RBFOX1: variants seen among roughly 807,000 people sequenced by gnomAD.
RBFOX1 encodes RNA binding protein fox-1 homolog 1.
Under a neutral mutation model 57.7 loss-of-function variants are expected in RBFOX1, and 8 were observed. The ratio of observed to expected loss-of-function variants is 0.14; its 90% CI spans 0.08 to 0.25. The LOEUF (loss-of-function observed/expected upper bound fraction) is 0.25. Among genes scored for constraint, RBFOX1 ranks in the 10% least tolerant of loss-of-function variants. The probability of loss-of-function intolerance (pLI) is 1.00; values close to 1 mark genes in which losing one functional copy is unlikely to be tolerated. For synonymous variants in RBFOX1, 326 were observed against 222.4 expected (o/e 1.47, Z -4.15); for missense variants, 611 against 548.5 (o/e 1.11, Z -1.14).
chr16:7,149,640 C>T (rs868630785), intron 4 of RBFOX1, among the ~76,000 whole-genome samples: 32 of 151,880 alleles, frequency 2.1e-4, no homozygotes, highest in Admixed American at 9.2e-4. Context: ...TGCACACCAC[C>T]GTGCCCAGCT....
intron 3 of RBFOX1, among the ~76,000 whole-genome samples, chr16:6,934,006 G>A (rs1049606391): frequency 1.3e-5 from 2 of 152,182 alleles, no homozygotes; most frequent in African/African-American, 4.8e-5. Context: ...ACCAGCCAGG[G>A]GTCAGGGAGG....
At chr16:7,542,004 G>C (rs1374823460) in intron 5 of RBFOX1, among the ~76,000 whole-genome samples, 2 of 152,194 alleles carry the variant, frequency 1.3e-5, no homozygotes, top group South Asian at 2.1e-4. Context: ...CGGCAGCTGA[G>C]GTTTTCCTTC....
intron 1 of RBFOX1, among the ~76,000 whole-genome samples, chr16:6,036,846 A>G (rs191878508): frequency 1.2e-4 from 18 of 152,352 alleles, no homozygotes; most frequent in Non-Finnish European, 2.1e-4. Flanking sequence ...CACATTCTCA[A>G]AGTGCTATAT....
chr16:7,150,180 C>A (rs183298815), intron 4 of RBFOX1, among the ~76,000 whole-genome samples: 6 of 152,276 alleles, frequency 3.9e-5, no homozygotes, highest in Non-Finnish European at 7.3e-5. Context: ...CTAGAACATG[C>A]ACATCCGAAG....
chr16:5,259,507 G>C (rs1400826239), intron 1 of RBFOX1, among the ~76,000 whole-genome samples: 1 of 152,162 alleles, frequency 6.6e-6, no homozygotes, highest in Non-Finnish European at 1.5e-5. Context: ...TCTTCCCCTG[G>C]ATTGTAAACT....
At chr16:7,159,693 C>G (rs891222794) in intron 4 of RBFOX1, among the ~76,000 whole-genome samples, 10 of 152,078 alleles carry the variant, frequency 6.6e-5, no homozygotes, top group African/African-American at 1.7e-4. Context: ...TTGGATCTGC[C>G]AAGTACAAAT....
At chr16:7,169,937 GTGACACA>G (rs1309462274) in intron 4 of RBFOX1, among the ~76,000 whole-genome samples, 6 of 152,080 alleles carry the variant, frequency 3.9e-5, no homozygotes, top group African/African-American at 1.4e-4. Flanking sequence ...GCTGGGCATG[GTGACACA>G]CGCCTGTGGT....
At chr16:7,026,299 C>T (rs2040909503) in intron 3 of RBFOX1, among the ~76,000 whole-genome samples, 1 of 152,118 alleles carries the variant, frequency 6.6e-6, no homozygotes, top group East Asian at 1.9e-4. Flanking sequence ...GCCACCAGGC[C>T]ATGTTTAATG....
At position 5,650,326 on chromosome 16, in the gene RBFOX1, C is replaced by CGGT. The variant is rs532668887; in HGVS notation, c.318+51388_318+51390dup. On this transcript the variant is annotated intron_variant, in intron 3 of 19. Transcript: ENST00000641259. ...TCGTCCTCTTCAGAGGCAGCCACGG[C>CGGT]GGTGGTGGTGGTGGTGGTGGTGGTG... 8.6e-3 allele frequency among the ~76,000 whole-genome samples: 1,224 copies of CGGT among 141,740 alleles called. 10 individuals carry two copies. The highest frequency in any genetic ancestry group is 0.014 in the Non-Finnish European group (923 of 64,490). 93.0% of individuals were successfully genotyped at this position (141,740 alleles called of 152,430 possible).
In RBFOX1 at chr16:7,653,799, T is replaced by TCTCC; in HGVS notation, c.758-15_758-14insTCCC. 1 of 1,607,580 alleles carries TCTCC rather than the reference T, an allele frequency of 6.2e-7. No homozygotes were observed. The highest frequency in any genetic ancestry group is 1.3e-5 in the African/African-American group (1 of 74,906). ...ACAGCCTGTGCTCTCTCTCTCTCTC[T>TCTCC]CCTCTTGCCCCGCAGTGCCAGGCTT... On this transcript the variant is annotated splice_polypyrimidine_tract_variant and intron_variant, in intron 11 of 15. Coordinates refer to ENST00000550418, the MANE Select transcript of RBFOX1 (RefSeq NM_018723.4).
At chr16:7,226,683 A>C (rs2093143807) in intron 4 of RBFOX1, among the ~76,000 whole-genome samples, 1 of 152,176 alleles carries the variant, frequency 6.6e-6, no homozygotes, top group Admixed American at 6.5e-5. Context: ...AATTTCTAAA[A>C]CCGCAAAAAG....
At chr16:6,020,063 G>T (rs922097670) in intron 1 of RBFOX1, 71 bp downstream of exon 1, 1 of 1,358,108 alleles carries the variant, frequency 7.4e-7, no homozygotes, top group East Asian at 2.9e-5. Flanking sequence ...AGGTCTCATG[G>T]AGGGAAGCGC....
At chr16:6,653,746 A>ATG (rs2098620510) in intron 2 of RBFOX1, among the ~76,000 whole-genome samples, 1 of 151,604 alleles carries the variant, frequency 6.6e-6, no homozygotes, top group East Asian at 2.0e-4. Flanking sequence ...AGATGGATGG[A>ATG]TGGGTGGGTA....
chr16:7,075,837 C>G (rs1340408457), intron 4 of RBFOX1, among the ~76,000 whole-genome samples: 1 of 152,030 alleles, frequency 6.6e-6, no homozygotes, highest in Non-Finnish European at 1.5e-5. Flanking sequence ...GCCTCAGCTT[C>G]CCAAAGTGCT....
At chr16:7,707,990 G>A (rs969200192) in intron 14 of RBFOX1, among the ~76,000 whole-genome samples, 2 of 152,078 alleles carry the variant, frequency 1.3e-5, no homozygotes, top group African/African-American at 4.8e-5. Flanking sequence ...TATCTGGCAG[G>A]GCAAACAAGT....
downstream of RBFOX1, among the ~76,000 whole-genome samples, chr16:5,600,471 A>G (rs1405872289): frequency 7.4e-6 from 1 of 135,892 alleles, no homozygotes; most frequent in Admixed American, 7.6e-5. Context: ...GGGCAAACAG[A>G]GTAAGAGCCT....
chr16:6,987,992 A>G (rs2090664243), intron 3 of RBFOX1, among the ~76,000 whole-genome samples: 1 of 152,154 alleles, frequency 6.6e-6, no homozygotes, highest in African/African-American at 2.4e-5. Context: ...AATCTTATAT[A>G]GTCGTCATCA....
At chr16:6,631,410 T>A (rs184199958) in intron 2 of RBFOX1, among the ~76,000 whole-genome samples, 1 of 140,582 alleles carries the variant, frequency 7.1e-6, no homozygotes, top group Admixed American at 6.9e-5. Flanking sequence ...TGAAACATAT[T>A]TTTTTTTTTG....
intron 2 of RBFOX1, among the ~76,000 whole-genome samples, chr16:6,325,733 G>A (rs555266858): frequency 6.6e-6 from 1 of 152,278 alleles, no homozygotes; most frequent in African/African-American, 2.4e-5. Context: ...CCAAATTCAG[G>A]AGGCTAGAAT....
Sources: allele counts gnomAD v4.1 joint callset (sites outside exome capture counted in the v4.1 genomes callset), GRCh38; gene constraint gnomAD v4.1.1; transcripts MANE v1.5; gene names NCBI Gene and HGNC (gene_info 2026-07-23, HGNC 2026-07-21).